The following SLC7A14 variants were observed in gnomAD, a reference collection of about 807,000 sequenced individuals.
SLC7A14 encodes solute carrier family 7 member 14.
A neutral mutation model predicts 60.2 loss-of-function variants in SLC7A14; 37 were observed. That is an observed-to-expected ratio of 0.61 (90% CI 0.47 to 0.81). The LOEUF (loss-of-function observed/expected upper bound fraction) is 0.81. SLC7A14 is among the 30% of genes least tolerant of loss of function. The probability of loss-of-function intolerance (pLI) is 0.00; values close to 1 mark genes in which losing one functional copy is unlikely to be tolerated. For synonymous variants in SLC7A14, 399 were observed against 395.8 expected, an observed-to-expected ratio of 1.01 and a Z score of -0.10; for missense variants, 886 against 982.7, an observed-to-expected ratio of 0.90 and a Z score of 1.32.
chr3:170,548,230 A>C (rs1001250769), intron 1 of SLC7A14, among the ~76,000 whole-genome samples: 3 of 152,336 alleles, frequency 2.0e-5, no homozygotes, highest in South Asian at 2.1e-4. Flanking sequence ...AGGATACCAG[A>C]ACAGATAAGC....
chr3:170,557,542 T>C (rs1714520263), intron 1 of SLC7A14, among the ~76,000 whole-genome samples: 1 of 152,186 alleles, frequency 6.6e-6, no homozygotes, highest in South Asian at 2.1e-4. Flanking sequence ...ATCTTTGAAT[T>C]GGAAGATGTG....
intron 1 of SLC7A14, among the ~76,000 whole-genome samples, chr3:170,566,237 C>T (rs187384393): frequency 2.4e-3 from 372 of 152,262 alleles, no homozygotes; most frequent in African/African-American, 8.7e-3. Context: ...TCTGGTTTTT[C>T]TCCCTCTCTG....
At chr3:170,514,302 G>A (rs1298249301) in intron 2 of SLC7A14, among the ~76,000 whole-genome samples, 2 of 152,212 alleles carry the variant, frequency 1.3e-5, no homozygotes, top group South Asian at 2.1e-4. Flanking sequence ...AAGGGCTGGT[G>A]CTTGGCATAA....
chr3:170,530,406 C>T (rs979023709), intron 1 of SLC7A14, among the ~76,000 whole-genome samples: 4 of 152,118 alleles, frequency 2.6e-5, no homozygotes, highest in Non-Finnish European at 2.9e-5. Flanking sequence ...TCTCCCTTTA[C>T]AGATGAGGCA....
chr3:170,496,840 G>A (rs1022316280), intron 4 of SLC7A14, among the ~76,000 whole-genome samples: 1 of 152,144 alleles, frequency 6.6e-6, no homozygotes, highest in Non-Finnish European at 1.5e-5. Flanking sequence ...TGAGACCCGC[G>A]ATGGGAAGCT....
intron 6 of SLC7A14, 114 bp downstream of exon 6, chr3:170,483,200 C>T: frequency 1.6e-6 from 2 of 1,231,148 alleles, no homozygotes; most frequent in Non-Finnish European, 2.3e-6. Context: ...ACAAGGTCCA[C>T]AGTCCATGTG....
rs1713807549 is a variant in SLC7A14, at chr3:170,535,373, G to T, written c.-152-8285C>A. 6.6e-6 allele frequency among the ~76,000 whole-genome samples: 1 copy of T among 152,104 alleles called. No individual in the cohort carries two copies. Among genetic ancestry groups the T allele is most frequent in the African/African-American group, 2.4e-5 (1 of 41,418 alleles). On this transcript the variant is annotated intron_variant, in intron 1 of 7. Coordinates refer to ENST00000231706, the MANE Select transcript of SLC7A14 (RefSeq NM_020949.3). The surrounding 1 kb of genome is among the most constrained non-coding windows in gnomAD (Gnocchi z 4.3). ...TTAATCCTTCTATGCCACCATAAAA[G>T]ATTTAAGAATTTGTATTAATCATTG...
At chr3:170,517,469 G>A (rs142615288) in intron 2 of SLC7A14, among the ~76,000 whole-genome samples, 2 of 152,306 alleles carry the variant, frequency 1.3e-5, no homozygotes, top group East Asian at 1.9e-4. Context: ...CCTAGATCAC[G>A]GAGGAGTTGC....
chr3:170,493,482 T>A (rs549629346), intron 4 of SLC7A14, among the ~76,000 whole-genome samples: 2 of 152,310 alleles, frequency 1.3e-5, no homozygotes, highest in East Asian at 3.9e-4. Flanking sequence ...CTCCATTCCA[T>A]CCTACCTAAA....
chr3:170,557,666 A>G (rs1042533279), intron 1 of SLC7A14, among the ~76,000 whole-genome samples: 1 of 152,138 alleles, frequency 6.6e-6, no homozygotes, highest in African/African-American at 2.4e-5. Context: ...TTGTTACTTG[A>G]GCTTTCCACA....
chr3:170,569,200 A>T (rs1577569952), intron 1 of SLC7A14, among the ~76,000 whole-genome samples: 1 of 152,056 alleles, frequency 6.6e-6, no homozygotes. Flanking sequence ...TACCTAATTT[A>T]TTGAGAGTTT....
intron 2 of SLC7A14, among the ~76,000 whole-genome samples, chr3:170,512,074 T>C (rs940391339): frequency 6.6e-6 from 1 of 152,186 alleles, no homozygotes; most frequent in South Asian, 2.1e-4. Context: ...TCTCAACTCA[T>C]CACTCTCAGG....
At chr3:170,571,072 A>T (rs889283588) in intron 1 of SLC7A14, among the ~76,000 whole-genome samples, 5 of 152,138 alleles carry the variant, frequency 3.3e-5, no homozygotes, top group Non-Finnish European at 5.9e-5. Flanking sequence ...TCCAGATTAA[A>T]CTTTAGAACT....
Position 170,501,301 on chromosome 3 carries a change from C to T in SLC7A14, c.349G>A (p.Gly117Arg). ...EFGVRVPKTT[G>R]SAYTYSYVTV... ...ACATAGCTGTAGGTGTAGGCAGATC[C>T]TGTGGTCTTGGGGACTCGAACTCCA... The change falls in exon 3 of 8, where the codon GGA becomes AGA. Residue 117 changes from glycine (G) to arginine (R), a missense_variant. Physicochemically the swap from Gly to Arg is moderately radical, Grantham distance 125. Coordinates refer to ENST00000231706, the MANE Select transcript of SLC7A14 (RefSeq NM_020949.3). 6.2e-7 allele frequency: 1 copy of T among 1,614,166 alleles called. No homozygotes were observed. The highest frequency in any genetic ancestry group is 8.5e-7 in the Non-Finnish European group (1 of 1,180,028).
At chr3:170,550,408 G>A (rs1397064765) in intron 1 of SLC7A14, among the ~76,000 whole-genome samples, 2 of 150,682 alleles carry the variant, frequency 1.3e-5, no homozygotes, top group East Asian at 4.0e-4. Flanking sequence ...GTGGGTGTTG[G>A]TGATTCAAAT....
Position 170,535,848 on chromosome 3 carries a change from A to G in SLC7A14, c.-152-8760T>C, listed in dbSNP as rs1216700489. Reference sequence around the variant, plus strand: ...AGCCCTTGGAACTGCATTTTGCCTCATGATTTCTCTGCCCACTGCCCTCAT... The same window carrying G: ...AGCCCTTGGAACTGCATTTTGCCTCGTGATTTCTCTGCCCACTGCCCTCAT... On this transcript the variant is annotated intron_variant, in intron 1 of 7. Transcript: ENST00000231706. The surrounding 1 kb of genome is among the most constrained non-coding windows in gnomAD (Gnocchi z 4.3). Among the ~76,000 whole-genome samples, 1 of 152,170 alleles carries G rather than the reference A, an allele frequency of 6.6e-6. No homozygotes were observed. Among genetic ancestry groups the G allele is most frequent in the African/African-American group, 2.4e-5 (1 of 41,438 alleles).
chr3:170,515,142 A>G (rs1255049136), intron 2 of SLC7A14, among the ~76,000 whole-genome samples: 4 of 151,918 alleles, frequency 2.6e-5, no homozygotes, highest in Non-Finnish European at 5.9e-5. Flanking sequence ...GCGTAACCCC[A>G]TCTCTACTAA....
intron 4 of SLC7A14, chr3:170,496,241 C>T (rs1041898671): frequency 7.5e-6 from 7 of 932,350 alleles, no homozygotes; most frequent in Non-Finnish European, 1.2e-5. Flanking sequence ...AGGAGGAGAT[C>T]GCCAACCGCA....
At chr3:170,499,483 TG>T (rs1486642190) in intron 3 of SLC7A14, among the ~76,000 whole-genome samples, 3 of 152,028 alleles carry the variant, frequency 2.0e-5, no homozygotes, top group Admixed American at 6.6e-5. Flanking sequence ...ACATTTGAAG[TG>T]GGAACCATCC....
Sources: gnomAD v4.1 joint callset for allele counts (sites outside exome capture counted in the v4.1 genomes callset) on GRCh38, gnomAD v4.1.1 for gene constraint, Gnocchi (gnomAD v3.1) non-coding constraint, MANE v1.5 for transcripts, NCBI Gene and HGNC (gene_info 2026-07-23, HGNC 2026-07-21) for gene names.